The following STRADA variants were observed in gnomAD, a reference collection of about 807,000 sequenced individuals.
STRADA encodes the protein STE20-related kinase adapter protein alpha.
STRADA carries 26 observed loss-of-function variants against 55.0 expected under a neutral mutation model. The observed-to-expected ratio is 0.47, with a 90% CI of 0.35 to 0.66. STRADA has a LOEUF of 0.66. STRADA is among the 30% of genes least tolerant of loss of function. The pLI is 0.01. For missense variants in STRADA, 443 were observed against 549.7 expected (o/e 0.81, Z 1.94); for synonymous variants, 197 against 210.9 (o/e 0.93, Z 0.57).
intron 4 of STRADA, among the ~76,000 whole-genome samples, chr17:63,722,182 C>T (rs1217252599): frequency 6.6e-6 from 1 of 152,118 alleles, no homozygotes; most frequent in Non-Finnish European, 1.5e-5. Flanking sequence ...TCTTAGTTTC[C>T]CCCACCATGA....
chr17:63,710,012 C>T (rs2036380759), intron 8 of STRADA, among the ~76,000 whole-genome samples: 1 of 150,468 alleles, frequency 6.6e-6, no homozygotes, highest in East Asian at 2.0e-4. Flanking sequence ...GTGGCAAGGT[C>T]AGAATCCAGA....
chr17:63,723,378 C>T lies in STRADA; in HGVS notation c.95-52G>A, dbSNP rs763913825. 6.9e-6 allele frequency: 11 copies of T among 1,601,882 alleles called. No individual in the cohort carries two copies. The East Asian group carries it at 1.3e-4, about 19-fold the overall frequency. ...ATTTTGTGTTTTAGCAGAAGACACACCCACATTCAGAACAGCAATTATTGT... is the reference window on the plus strand; with the variant it reads ...ATTTTGTGTTTTAGCAGAAGACACATCCACATTCAGAACAGCAATTATTGT... On this transcript the variant is annotated intron_variant, in intron 3 of 12. Coordinates refer to ENST00000336174, the MANE Select transcript of STRADA (RefSeq NM_001003787.4).
rs769128769 is a variant in STRADA, at chr17:63,704,535, G to A, written c.906C>T (p.Thr302=). 64 of 1,580,272 alleles carry A rather than the reference G, an allele frequency of 4.0e-5. No homozygotes were observed. Among genetic ancestry groups the A allele is most frequent in the Middle Eastern group, 3.4e-4 (2 of 5,942 alleles). ...LNGTVPCLLD[T]STIPAEELTM... ...TCAGCTCCTCAGCGGGGATGGTGCT[G>A]GTATCCAACAGGCAGGGCACTGTGC... The change falls in exon 11 of 13, where the codon ACC becomes ACT. Residue 302 remains threonine (T), a synonymous_variant. Coordinates refer to ENST00000336174, the MANE Select transcript of STRADA (RefSeq NM_001003787.4).
chr17:63,740,129 C>CACACAT (rs2038806162), intron 1 of STRADA, among the ~76,000 whole-genome samples: 1 of 50,384 alleles, frequency 2.0e-5, no homozygotes, highest in African/African-American at 1.3e-4. Flanking sequence ...TATATATATA[C>CACACAT]ACATACATAT....
At chr17:63,707,897 ATT>A (rs58463647) in intron 8 of STRADA, among the ~76,000 whole-genome samples, 3 of 144,800 alleles carry the variant, frequency 2.1e-5, no homozygotes, top group Admixed American at 6.8e-5. Flanking sequence ...CGCCCGGCTA[ATT>A]TTTTTTTTTT....
chr17:63,732,487 A>T (rs1044983848), intron 1 of STRADA, among the ~76,000 whole-genome samples: 2 of 140,966 alleles, frequency 1.4e-5, no homozygotes, highest in Non-Finnish European at 3.1e-5. Flanking sequence ...CTGGCTAGTT[A>T]AAAAAAAAAA....
intron 1 of STRADA, among the ~76,000 whole-genome samples, chr17:63,731,130 G>A (rs1485511002): frequency 6.6e-6 from 1 of 151,998 alleles, no homozygotes; most frequent in African/African-American, 2.4e-5. Context: ...TTTTAATAGA[G>A]ACGGGGTTCC....
upstream of STRADA, chr17:63,741,956 G>A (rs1424314949): frequency 1.3e-5 from 2 of 152,332 alleles, no homozygotes; most frequent in East Asian, 1.9e-4. Flanking sequence ...GGCCCTAGCA[G>A]CCGCCGCCGC....
In STRADA at chr17:63,723,565, T is replaced by C. The variant is rs1405729037; in HGVS notation, c.95-239A>G. ...GTTCTTCAAAAGGTGGCAAGGCTAC[T>C]ACTCTATGGGTATTCTTTACTGGAT... On this transcript the variant is annotated intron_variant, in intron 3 of 12. Transcript: ENST00000336174. 3 of 540,786 alleles carry C rather than the reference T, an allele frequency of 5.5e-6. No individual in the cohort carries two copies. The African/African-American group carries it at 5.7e-5, about 10-fold the overall frequency. The allele number at this position is 540,786 out of a possible 1,614,324, so 33.5% of individuals were successfully genotyped here.
At chr17:63,730,972 A>G (rs2037999665) in intron 1 of STRADA, among the ~76,000 whole-genome samples, 1 of 147,346 alleles carries the variant, frequency 6.8e-6, no homozygotes, top group South Asian at 2.2e-4. Context: ...TTTGAGATGG[A>G]GTCTCGCTCT....
At chr17:63,710,069 C>T (rs1348743397) in intron 8 of STRADA, among the ~76,000 whole-genome samples, 6 of 147,460 alleles carry the variant, frequency 4.1e-5, no homozygotes, top group Non-Finnish European at 8.9e-5. Flanking sequence ...GAGTCTCACT[C>T]TGCCACCCAG....
chr17:63,706,296 A>G (rs957070102), intron 10 of STRADA: 13 of 181,264 alleles, frequency 7.2e-5, no homozygotes, highest in Non-Finnish European at 1.3e-4. Flanking sequence ...CCTTCCAGGT[A>G]TATTTATCCA....
chr17:63,725,864 G>A (rs2037621302), intron 3 of STRADA: 1 of 150,454 alleles, frequency 6.6e-6, no homozygotes, highest in Non-Finnish European at 1.5e-5. Context: ...TAGAGACGGA[G>A]TTTCACCATG....
intron 3 of STRADA, among the ~76,000 whole-genome samples, chr17:63,724,555 C>T (rs1182284131): frequency 1.3e-5 from 2 of 151,922 alleles, no homozygotes; most frequent in Middle Eastern, 3.4e-3. Context: ...GGATTACAGG[C>T]GTGCGCCACC....
At chr17:63,729,594 G>C (rs900081698) in intron 1 of STRADA, among the ~76,000 whole-genome samples, 8 of 151,996 alleles carry the variant, frequency 5.3e-5, no homozygotes, top group African/African-American at 1.9e-4. Context: ...AGACTAGCCT[G>C]ACCAACATGG....
At chr17:63,717,733 T>G (rs1351128864) in intron 4 of STRADA, among the ~76,000 whole-genome samples, 2 of 152,090 alleles carry the variant, frequency 1.3e-5, no homozygotes, top group Non-Finnish European at 2.9e-5. Context: ...CGCCTCAGCC[T>G]CTCAAAGTGC....
At chr17:63,736,672 T>C (rs1264815485) in intron 1 of STRADA, among the ~76,000 whole-genome samples, 2 of 151,450 alleles carry the variant, frequency 1.3e-5, no homozygotes, top group East Asian at 3.9e-4. Context: ...ACTGAAGAGA[T>C]ATCTCAAGAT....
At chr17:63,729,691 A>G (rs1450866252) in intron 1 of STRADA, among the ~76,000 whole-genome samples, 1 of 151,874 alleles carries the variant, frequency 6.6e-6, no homozygotes, top group African/African-American at 2.4e-5. Flanking sequence ...CAGGAGGCTG[A>G]GAAAGAAGAA....
chr17:63,741,777 G>C lies in STRADA; in HGVS notation c.-81C>G, dbSNP rs530709980. 6.5e-6 allele frequency: 1 copy of C among 153,176 alleles called. No homozygotes were observed. Among genetic ancestry groups the C allele is most frequent in the South Asian group, 2.0e-4 (1 of 4,892 alleles). 9.5% of individuals were successfully genotyped at this position (153,176 alleles called of 1,614,324 possible). On this transcript the variant is annotated 5_prime_UTR_variant, in exon 1 of 13. Coordinates refer to ENST00000336174, the MANE Select transcript of STRADA (RefSeq NM_001003787.4). ...GTTAGCAAGCAGCCCCGACCGTCTT[G>C]GCTCCGCCTCCTCAGTTTTACTGCC...
Sources: gnomAD v4.1 joint callset for allele counts (sites outside exome capture counted in the v4.1 genomes callset) on GRCh38, gnomAD v4.1.1 for gene constraint, MANE v1.5 for transcripts, NCBI Gene and HGNC (gene_info 2026-07-23, HGNC 2026-07-21) for gene names.